Variants in C1orf185 observed in about 807,000 individuals in gnomAD.
C1orf185 encodes the protein chromosome 1 open reading frame 185, also known as uncharacterized protein C1orf185.
A neutral mutation model predicts 16.1 loss-of-function variants in C1orf185; 13 were observed. That is an observed-to-expected ratio of 0.81 (90% CI 0.53 to 1.28). The LOEUF is 1.28. C1orf185 is among the 50% of genes most tolerant of loss of function. The probability of loss-of-function intolerance (pLI) is 0.00; values close to 1 mark genes in which losing one functional copy is unlikely to be tolerated. For synonymous variants in C1orf185, 80 were observed against 76.9 expected (o/e 1.04, Z -0.21); for missense variants, 220 against 225.2 (o/e 0.98, Z 0.15).
intron 1 of C1orf185, among the ~76,000 whole-genome samples, chr1:51,111,797 G>C (rs1180698735): frequency 6.6e-6 from 1 of 152,200 alleles, no homozygotes; most frequent in Middle Eastern, 3.2e-3. Flanking sequence ...TGGGATTACA[G>C]GCGTGAGCCA....
intron 3 of C1orf185, among the ~76,000 whole-genome samples, chr1:51,131,772 A>G (rs1470817777): frequency 6.6e-6 from 1 of 152,228 alleles, no homozygotes; most frequent in Admixed American, 6.5e-5. Flanking sequence ...ATTGCTGGCC[A>G]GTAGAAATAG....
Position 51,137,033 on chromosome 1 carries a change from T to A in C1orf185, c.259-8691T>A, listed in dbSNP as rs146884792. Among the ~76,000 whole-genome samples, 801 of 152,224 alleles carry A rather than the reference T, an allele frequency of 5.3e-3. 9 individuals carry two copies. Among genetic ancestry groups the A allele is most frequent in the African/African-American group, 0.018 (756 of 41,534 alleles). ...TCTGACAAAGGTCTAATATCCAGCATCTGTCAGGAACTTCAACAAATTTAC... is the reference window on the plus strand; with the variant it reads ...TCTGACAAAGGTCTAATATCCAGCAACTGTCAGGAACTTCAACAAATTTAC... On this transcript the variant is annotated intron_variant, in intron 3 of 4. Transcript: ENST00000371759.
chr1:51,146,227 G>A (rs993103395), intron 4 of C1orf185, among the ~76,000 whole-genome samples: 10 of 151,986 alleles, frequency 6.6e-5, no homozygotes, highest in Non-Finnish European at 1.0e-4. Flanking sequence ...GGGAGGTCGC[G>A]GTGGGCAGAT....
At chr1:51,129,362 C>T (rs757561917) in intron 3 of C1orf185, among the ~76,000 whole-genome samples, 1 of 152,262 alleles carries the variant, frequency 6.6e-6, no homozygotes, top group African/African-American at 2.4e-5. Flanking sequence ...TGGCAACCAG[C>T]GATCTGTTGC....
At chr1:51,110,679 T>G (rs757408592) in intron 1 of C1orf185, among the ~76,000 whole-genome samples, 51 of 152,298 alleles carry the variant, frequency 3.3e-4, no homozygotes, top group Non-Finnish European at 6.0e-4. Flanking sequence ...ATGAAAGCTT[T>G]CTTTCTCGGC....
chr1:51,147,380 G>C (rs1433980166), intron 4 of C1orf185, 87 bp from the exon 5 acceptor site: 1 of 1,221,908 alleles, frequency 8.2e-7, no homozygotes, highest in Non-Finnish European at 1.1e-6. Flanking sequence ...TTTCTTTATA[G>C]CATTATCCTG....
At position 51,102,437 on chromosome 1, in the gene C1orf185, G is replaced by C. The variant is rs1646039065; in HGVS notation, c.16+188G>C. 3 of 413,120 alleles carry C rather than the reference G, an allele frequency of 7.3e-6. No homozygotes were observed. In the South Asian group the frequency reaches 1.7e-4, roughly 24 times the overall value. 25.6% of individuals were successfully genotyped at this position (413,120 alleles called of 1,614,324 possible). A position where few individuals can be genotyped will look rare whatever the true frequency, so the allele number is the denominator to read the frequency against. ...GGCTATTTTCTTTGGGGGAAATTTT[G>C]TAACTACTGATTCAATTTAACGGAT... is the stretch of plus-strand genomic sequence containing the variant. On this transcript the variant is annotated intron_variant, in intron 1 of 4. Coordinates refer to ENST00000371759, the MANE Select transcript of C1orf185 (RefSeq NM_001136508.2).
chr1:51,122,310 AAT>A (rs1422624606), intron 3 of C1orf185, among the ~76,000 whole-genome samples: 1 of 152,212 alleles, frequency 6.6e-6, no homozygotes, highest in Non-Finnish European at 1.5e-5. Flanking sequence ...TAGCTGTGTC[AAT>A]ATATGTTCCC....
chr1:51,147,641 A>G lies in C1orf185; in HGVS notation c.470A>G (p.Asp157Gly). 6.4e-7 allele frequency: 1 copy of G among 1,551,562 alleles called. No homozygotes were observed. Among genetic ancestry groups the G allele is most frequent in the Non-Finnish European group, 8.7e-7 (1 of 1,146,924 alleles). ...GAAGCAGCTGATGACTGGTTTTCTG[A>G]TGATTCTCTAGTGAAAAGGAACTCT... ...SIEAADDWFS[D>G]DSLVKRNSPM... The change falls in exon 5 of 5, where the codon GAT becomes GGT. Residue 157 changes from aspartate to glycine, a missense_variant. Physicochemically the swap from Asp to Gly is moderately conservative, Grantham distance 94 (BLOSUM62 -1). Transcript: ENST00000371759.
intron 1 of C1orf185, among the ~76,000 whole-genome samples, chr1:51,105,076 G>T (rs1646059386): frequency 6.6e-6 from 1 of 151,742 alleles, no homozygotes; most frequent in Admixed American, 6.6e-5. Flanking sequence ...TCCTGTCTCA[G>T]CCTCCCAAGT....
chr1:51,129,735 T>C (rs1646269456), intron 3 of C1orf185: 1 of 152,338 alleles, frequency 6.6e-6, no homozygotes, highest in African/African-American at 2.4e-5. Flanking sequence ...GCCCTCTTCC[T>C]GATTTGGAGA....
chr1:51,137,233 C>T (rs1161528605), intron 3 of C1orf185, among the ~76,000 whole-genome samples: 2 of 152,000 alleles, frequency 1.3e-5, no homozygotes, highest in African/African-American at 4.8e-5. Context: ...GTCAGAATGG[C>T]TGTTACTAAA....
intron 4 of C1orf185, among the ~76,000 whole-genome samples, chr1:51,146,862 A>G (rs1646404148): frequency 1.3e-5 from 2 of 152,174 alleles, no homozygotes; most frequent in Admixed American, 1.3e-4. Context: ...TATAAAGCCA[A>G]TTCATACACC....
intron 3 of C1orf185, among the ~76,000 whole-genome samples, chr1:51,124,839 T>A (rs1646227991): frequency 6.6e-6 from 1 of 152,192 alleles, no homozygotes; most frequent in Non-Finnish European, 1.5e-5. Context: ...GTTTCTTCAC[T>A]TTATTCTGTC....
Position 51,118,782 on chromosome 1 carries a change from C to A in C1orf185, c.239C>A (p.Thr80Asn). The change falls in exon 3 of 5, where the codon ACT becomes AAT. Residue 80 changes from threonine (T) to asparagine (N), a missense_variant. Transcript: ENST00000371759. ...GTTTTTATTTCTCGAAATTTTCATA[C>A]TGGGAGATTCCAATTACAGGTAGGG... Reference protein sequence around the residue: ...QCVFISRNFHTGRFQLQEEQR... With the variant: ...QCVFISRNFHNGRFQLQEEQR... The A allele has an allele frequency of 6.9e-7, 1 of 1,458,736 alleles. No homozygotes were observed. The highest frequency in any genetic ancestry group is 1.5e-5 in the South Asian group (1 of 66,756). The allele number at this position is 1,458,736 out of a possible 1,614,324, so 90.4% of individuals were successfully genotyped here.
chr1:51,139,087 CTTTCTTTTTTT>C (rs1285731235), intron 3 of C1orf185, among the ~76,000 whole-genome samples: 1 of 151,818 alleles, frequency 6.6e-6, no homozygotes, highest in Non-Finnish European at 1.5e-5. Flanking sequence ...CTCAAATTTC[CTTTCTTTTTTT>C]TTTCTTTTTC....
Position 51,147,682 on chromosome 1 carries a change from G to C in C1orf185, c.511G>C (p.Gly171Arg). ...VKRNSPMPSL[G>R]EPLMEKVFSY... Reference sequence around the variant, plus strand: ...AAGGAACTCTCCAATGCCTTCTCTCGGGGAACCTCTAATGGAAAAAGTATT... The same window carrying C: ...AAGGAACTCTCCAATGCCTTCTCTCCGGGAACCTCTAATGGAAAAAGTATT... The change falls in exon 5 of 5, where the codon GGG becomes CGG. Residue 171 changes from glycine (G) to arginine (R), a missense_variant. Physicochemically the swap from Gly to Arg is moderately radical, Grantham distance 125. Transcript: ENST00000371759. 6.4e-7 allele frequency: 1 copy of C among 1,551,168 alleles called. No individual in the cohort carries two copies. The highest frequency in any genetic ancestry group is 8.7e-7 in the Non-Finnish European group (1 of 1,146,776).
At chr1:51,118,230 T>C (rs1646171751) in intron 2 of C1orf185, among the ~76,000 whole-genome samples, 1 of 152,216 alleles carries the variant, frequency 6.6e-6, no homozygotes, top group Non-Finnish European at 1.5e-5. Context: ...CTCTTACTTT[T>C]TGCCAGAAAT....
chr1:51,135,278 G>A (rs1171362990), intron 3 of C1orf185, among the ~76,000 whole-genome samples: 2 of 152,174 alleles, frequency 1.3e-5, no homozygotes, highest in African/African-American at 4.8e-5. Context: ...AGTGGCTCAT[G>A]CCTGTAATCT....
Sources: gnomAD v4.1 joint callset for allele counts (sites outside exome capture counted in the v4.1 genomes callset) on GRCh38, gnomAD v4.1.1 for gene constraint, MANE v1.5 for transcripts, NCBI Gene and HGNC (gene_info 2026-07-23, HGNC 2026-07-21) for gene names.